ATP8B2: variants seen among roughly 807,000 people sequenced by gnomAD.
ATP8B2 encodes ATPase phospholipid transporting 8B2.
In ATP8B2, 70 loss-of-function variants were observed where a neutral mutation model predicts 133.4. The ratio of observed to expected loss-of-function variants is 0.52; its 90% CI spans 0.43 to 0.64. The LOEUF is 0.64. Among genes scored for constraint, ATP8B2 ranks in the 30% least tolerant of loss-of-function variants. The pLI is 0.00. For synonymous variants in ATP8B2, 517 were observed against 589.5 expected (o/e 0.88, Z 1.78); for missense variants, 1,101 against 1,535.7 (o/e 0.72, Z 4.73).
intron 12 of ATP8B2, chr1:154,338,925 G>A (rs1422535157): frequency 2.0e-5 from 3 of 152,258 alleles, no homozygotes; most frequent in African/African-American, 7.2e-5. Context: ...TTGAGGTAAA[G>A]AGAATGTTAG....
In ATP8B2 at chr1:154,334,067, G is replaced by C; in HGVS notation, c.590-40G>C. 6.2e-7 allele frequency: 1 copy of C among 1,608,446 alleles called. No homozygotes were observed. Among genetic ancestry groups the C allele is most frequent in the South Asian group, 1.1e-5 (1 of 90,596 alleles). ...TTTATTGTCTTGTGGTTAGGCTGTA[G>C]ACTGGACCTTAAGCAGTGGAATTCT... On this transcript the variant is annotated intron_variant, in intron 9 of 27. Transcript: ENST00000368489. This position sits in a 1 kb window ranked among gnomAD's most constrained non-coding sequence, Gnocchi z 4.6.
Position 154,351,071 on chromosome 1 carries a change from G to T in ATP8B2, c.*1953G>T, listed in dbSNP as rs1398277594. On this transcript the variant is annotated 3_prime_UTR_variant, in exon 28 of 28. Coordinates refer to ENST00000368489, the MANE Select transcript of ATP8B2 (RefSeq NM_001370597.1). ...CTGATTTTTATACCAAAGAGGAAATGATTTTTTTTCATATTTTGTTTGTCT... is the reference window on the plus strand; with the variant it reads ...CTGATTTTTATACCAAAGAGGAAATTATTTTTTTTCATATTTTGTTTGTCT... 8.3e-6 allele frequency: 1 copy of T among 119,832 alleles called. No individual in the cohort carries two copies. Among genetic ancestry groups the T allele is most frequent in the Admixed American group, 9.3e-5 (1 of 10,730 alleles). The allele number at this position is 119,832 out of a possible 1,614,324, so 7.4% of individuals were successfully genotyped here. A position where few individuals can be genotyped will look rare whatever the true frequency, so the allele number is the denominator to read the frequency against.
chr1:154,327,968 G>A, intron 1 of ATP8B2, 137 bp from the exon 2 acceptor site: 8 of 1,519,162 alleles, frequency 5.3e-6, no homozygotes, highest in Non-Finnish European at 7.3e-6. Flanking sequence ...ATGGCAGTAA[G>A]AGGAGAGACT....
rs774403333 is a variant in ATP8B2, at chr1:154,348,894, C to T, written c.3349C>T (p.Arg1117Trp). Reference protein sequence around the residue: ...KKQKAQHRCMRRVGRTGSRRS... With the variant: ...KKQKAQHRCMWRVGRTGSRRS... Reference sequence around the variant, plus strand: ...GCAGAAGGCCCAGCACCGCTGCATGCGGCGGGTTGGCCGCACTGGCTCCCG... The same window carrying T: ...GCAGAAGGCCCAGCACCGCTGCATGTGGCGGGTTGGCCGCACTGGCTCCCG... Residue 1117 changes from arginine to tryptophan, a missense_variant, in exon 28 of 28, where the codon CGG (arginine) becomes TGG (tryptophan). Coordinates refer to ENST00000368489, the MANE Select transcript of ATP8B2 (RefSeq NM_001370597.1). 2 of 1,613,546 alleles carry T rather than the reference C, an allele frequency of 1.2e-6. No individual in the cohort carries two copies. The highest frequency in any genetic ancestry group is 1.7e-5 in the Admixed American group (1 of 59,990).
chr1:154,344,965 C>T lies in ATP8B2; in HGVS notation c.2287-6C>T. ...ACTGGCTCTCTCAGGTTTCTCTGTGCTCCAGGCCCACGCACTGGAGGCAGA... is the reference window on the plus strand; with the variant it reads ...ACTGGCTCTCTCAGGTTTCTCTGTGTTCCAGGCCCACGCACTGGAGGCAGA... On this transcript the variant is annotated splice_region_variant and splice_polypyrimidine_tract_variant and intron_variant, in intron 21 of 27. Coordinates refer to ENST00000368489, the MANE Select transcript of ATP8B2 (RefSeq NM_001370597.1). This position sits in a 1 kb window ranked among gnomAD's most constrained non-coding sequence, Gnocchi z 4.1. 1 of 1,608,588 alleles carries T rather than the reference C, an allele frequency of 6.2e-7. No homozygotes were observed.
intron 1 of ATP8B2, chr1:154,327,693 C>T (rs1685836005): frequency 1.5e-5 from 17 of 1,132,030 alleles, no homozygotes; most frequent in Non-Finnish European, 2.2e-5. Flanking sequence ...CCAGGTGTTT[C>T]CTGGCTCATG....
At chr1:154,347,091 T>C (rs1686609887) in intron 26 of ATP8B2, among the ~76,000 whole-genome samples, 1 of 152,170 alleles carries the variant, frequency 6.6e-6, no homozygotes, top group East Asian at 1.9e-4. Flanking sequence ...GGTTTCACCA[T>C]GTTGGCCAGG....
In ATP8B2 at chr1:154,348,824, C is replaced by A; in HGVS notation, c.3295-16C>A. On this transcript the variant is annotated splice_polypyrimidine_tract_variant and intron_variant, in intron 27 of 27. Transcript: ENST00000368489. ...CTCCACGCTGACAGAGGGCTCTTCCCTGTGCCCCTCTGCAGGTCCGCTACA... is the reference window on the plus strand; with the variant it reads ...CTCCACGCTGACAGAGGGCTCTTCCATGTGCCCCTCTGCAGGTCCGCTACA... 1 of 1,575,144 alleles carries A rather than the reference C, an allele frequency of 6.3e-7. No homozygotes were observed. The highest frequency in any genetic ancestry group is 2.3e-5 in the East Asian group (1 of 43,052).
chr1:154,347,904 G>T (rs1686639552), intron 26 of ATP8B2, among the ~76,000 whole-genome samples: 1 of 143,158 alleles, frequency 7.0e-6, no homozygotes, highest in Non-Finnish European at 1.5e-5. Context: ...TCGCGCCATT[G>T]CACTCCAGCC....
intron 9 of ATP8B2, among the ~76,000 whole-genome samples, 158 bp from the exon 10 acceptor site, chr1:154,333,949 C>T (rs1686090967): frequency 6.6e-6 from 1 of 152,208 alleles, no homozygotes; most frequent in East Asian, 1.9e-4. Flanking sequence ...TCATTATTTT[C>T]CTGAAGAGTT....
chr1:154,338,440 T>C (rs1686265571), intron 12 of ATP8B2, among the ~76,000 whole-genome samples: 1 of 152,154 alleles, frequency 6.6e-6, no homozygotes, highest in Non-Finnish European at 1.5e-5. Flanking sequence ...GGTGGGCGGA[T>C]AACGAGGTCA....
chr1:154,328,003 C>T lies in ATP8B2; in HGVS notation c.-37-102C>T. On this transcript the variant is annotated intron_variant, in intron 1 of 27. Coordinates refer to ENST00000368489, the MANE Select transcript of ATP8B2 (RefSeq NM_001370597.1). The surrounding 1 kb of genome is among the most constrained non-coding windows in gnomAD (Gnocchi z 4.6). ...TGGGAGAAGGAGGCTGGGGGAGGGGCAGGGTCAGAGCTGGAGAAGAGGGTC... is the reference window on the plus strand; with the variant it reads ...TGGGAGAAGGAGGCTGGGGGAGGGGTAGGGTCAGAGCTGGAGAAGAGGGTC... 1 of 1,503,116 alleles carries T rather than the reference C, an allele frequency of 6.7e-7. No homozygotes were observed. The allele number at this position is 1,503,116 out of a possible 1,614,324, so 93.1% of individuals were successfully genotyped here. A position where few individuals can be genotyped will look rare whatever the true frequency, so the allele number is the denominator to read the frequency against.
At chr1:154,329,893 C>T (rs1685922215) in intron 2 of ATP8B2, among the ~76,000 whole-genome samples, 1 of 152,122 alleles carries the variant, frequency 6.6e-6, no homozygotes, top group Non-Finnish European at 1.5e-5. Flanking sequence ...GGGATGCTCC[C>T]GCAGAGCAGC....
intron 12 of ATP8B2, 159 bp downstream of exon 12, chr1:154,337,703 C>A: frequency 6.4e-7 from 1 of 1,556,724 alleles, no homozygotes. Context: ...GTGGGCAGAG[C>A]AAACTTTTTA....
chr1:154,346,573 G>C lies in ATP8B2; in HGVS notation c.3025-47G>C. 6.2e-7 allele frequency: 1 copy of C among 1,612,500 alleles called. No individual in the cohort carries two copies. Among genetic ancestry groups the C allele is most frequent in the Non-Finnish European group, 8.5e-7 (1 of 1,179,074 alleles). On this transcript the variant is annotated intron_variant, in intron 25 of 27. Coordinates refer to ENST00000368489, the MANE Select transcript of ATP8B2 (RefSeq NM_001370597.1). This position sits in a 1 kb window ranked among gnomAD's most constrained non-coding sequence, Gnocchi z 4.5. ...CACCACAGTTCTGTTTCTGGGGGAA[G>C]GGGCTTTTAGGGCGTGCGCCTGCCT...
Position 154,350,113 on chromosome 1 carries a change from AC to A in ATP8B2, c.*997del, listed in dbSNP as rs1184821499. The A allele has an allele frequency of 6.8e-6, 1 of 147,280 alleles. No individual in the cohort carries two copies. Among genetic ancestry groups the A allele is most frequent in the Non-Finnish European group, 1.5e-5 (1 of 67,020 alleles). The allele number at this position is 147,280 out of a possible 1,614,324, so 9.1% of individuals were successfully genotyped here. A position where few individuals can be genotyped will look rare whatever the true frequency, so the allele number is the denominator to read the frequency against. ...TTTGAGATGGAGTCTCACTCTTGTC[AC>A]CTAGGCAAGAGTGCAATGGCACAAT... On this transcript the variant is annotated 3_prime_UTR_variant, in exon 28 of 28. Coordinates refer to ENST00000368489, the MANE Select transcript of ATP8B2 (RefSeq NM_001370597.1).
intron 11 of ATP8B2, among the ~76,000 whole-genome samples, chr1:154,336,588 C>T (rs992138855): frequency 6.0e-5 from 9 of 150,128 alleles, no homozygotes; most frequent in African/African-American, 1.2e-4. Flanking sequence ...CTCGGGTTCA[C>T]GTGATTCTCC....
chr1:154,344,110 T>C lies in ATP8B2; in HGVS notation c.1924-33T>C, dbSNP rs1225301649. 1 of 1,614,192 alleles carries C rather than the reference T, an allele frequency of 6.2e-7. No homozygotes were observed. Among genetic ancestry groups the C allele is most frequent in the South Asian group, 1.1e-5 (1 of 91,086 alleles). On this transcript the variant is annotated intron_variant, in intron 18 of 27. Transcript: ENST00000368489. This position sits in a 1 kb window ranked among gnomAD's most constrained non-coding sequence, Gnocchi z 4.1. ...GGGCACGGAGGGCTCATGCCTGCAA[T>C]TCTTGTGCCAGGAATCCTTGTGGTA...
chr1:154,333,797 G>T (rs1392462437), intron 9 of ATP8B2, among the ~76,000 whole-genome samples: 1 of 151,888 alleles, frequency 6.6e-6, no homozygotes, highest in Non-Finnish European at 1.5e-5. Context: ...ACCACACCCG[G>T]CTAATTTTTG....
Sources: gnomAD v4.1 joint callset for allele counts (sites outside exome capture counted in the v4.1 genomes callset) on GRCh38, gnomAD v4.1.1 for gene constraint, Gnocchi (gnomAD v3.1) non-coding constraint, MANE v1.5 for transcripts, NCBI Gene and HGNC (gene_info 2026-07-23, HGNC 2026-07-21) for gene names.